The following APBA1 variants were observed in gnomAD, a reference collection of about 807,000 sequenced individuals.
The protein encoded by APBA1 is amyloid beta precursor protein binding family A member 1, also known as amyloid-beta A4 precursor protein-binding family A member 1.
In APBA1, 55 loss-of-function variants were observed where a neutral mutation model predicts 86.6. That is an observed-to-expected ratio of 0.64 (90% CI 0.51 to 0.80). The LOEUF is 0.80. Ranked by LOEUF, APBA1 falls within the 30% of genes least tolerant of loss-of-function variation. The probability of loss-of-function intolerance (pLI) is 0.00; values close to 1 mark genes in which losing one functional copy is unlikely to be tolerated. For missense variants in APBA1, 1,090 were observed against 1,183.0 expected (o/e 0.92, Z 1.15); for synonymous variants, 511 against 493.9 (o/e 1.03, Z -0.46).
chr9:69,468,022 C>T, intron 4 of APBA1, 54 bp from the exon 5 acceptor site: 1 of 1,590,858 alleles, frequency 6.3e-7, no homozygotes, highest in South Asian at 1.1e-5. Context: ...GGCCTGCCAA[C>T]CCCCTCAATG....
chr9:69,549,082 T>G (rs1382787869), intron 1 of APBA1, among the ~76,000 whole-genome samples: 2 of 152,126 alleles, frequency 1.3e-5, no homozygotes, highest in East Asian at 3.8e-4. Context: ...ACACAGATGA[T>G]GCAAATGAGT....
chr9:69,609,024 GC>G (rs1822529184), intron 1 of APBA1, among the ~76,000 whole-genome samples: 1 of 152,122 alleles, frequency 6.6e-6, no homozygotes, highest in Admixed American at 6.5e-5. Context: ...ATAACTGTGT[GC>G]TGTATATGTG....
intron 1 of APBA1, among the ~76,000 whole-genome samples, chr9:69,636,890 AGAAGGAAGGAAG>A (rs1284734460): frequency 4.3e-5 from 1 of 23,496 alleles, no homozygotes; most frequent in African/African-American, 1.2e-4. Flanking sequence ...AAGGAAGGAA[AGAAGGAAGGAAG>A]GAAGGAAGGA....
At chr9:69,536,277 T>C (rs1377451488) in intron 1 of APBA1, among the ~76,000 whole-genome samples, 1 of 150,532 alleles carries the variant, frequency 6.6e-6, no homozygotes, top group East Asian at 1.9e-4. Context: ...TTGAAAGCAG[T>C]ACACATGAAA....
chr9:69,563,513 TAATACACGGGTTG>T (rs1183507126), intron 1 of APBA1, among the ~76,000 whole-genome samples: 2 of 152,212 alleles, frequency 1.3e-5, no homozygotes, highest in African/African-American at 2.4e-5. Flanking sequence ...GCCTATGGGT[TAATACACGGGTTG>T]CATGGCTACC....
intron 2 of APBA1, among the ~76,000 whole-genome samples, chr9:69,487,641 G>A (rs947637346): frequency 6.6e-6 from 1 of 151,994 alleles, no homozygotes; most frequent in South Asian, 2.1e-4. Context: ...TTGAGGGAAC[G>A]GGTTAGTTAT....
At chr9:69,566,980 C>A (rs944295319) in intron 1 of APBA1, among the ~76,000 whole-genome samples, 20 of 152,152 alleles carry the variant, frequency 1.3e-4, no homozygotes, top group African/African-American at 4.8e-4. Context: ...TCCCAACTGG[C>A]ACCAATTAGA....
chr9:69,452,066 T>A, intron 9 of APBA1, 56 bp downstream of exon 9: 1 of 1,561,470 alleles, frequency 6.4e-7, no homozygotes, highest in Non-Finnish European at 8.8e-7. Flanking sequence ...TGCCCCACTT[T>A]CCAAGCCCCT....
intron 1 of APBA1, among the ~76,000 whole-genome samples, chr9:69,632,944 G>A (rs1823078207): frequency 6.6e-6 from 1 of 151,954 alleles, no homozygotes; most frequent in African/African-American, 2.4e-5. Context: ...GCAGGAAAGT[G>A]AGGTCAGAGT....
At chr9:69,539,080 C>T (rs764800954) in intron 1 of APBA1, among the ~76,000 whole-genome samples, 15 of 152,274 alleles carry the variant, frequency 9.9e-5, no homozygotes, top group East Asian at 3.9e-4. Flanking sequence ...TCTCTTTATC[C>T]GTCAGACCTC....
intron 1 of APBA1, among the ~76,000 whole-genome samples, chr9:69,605,683 A>G (rs1822456534): frequency 6.6e-6 from 1 of 152,222 alleles, no homozygotes; most frequent in Admixed American, 6.5e-5. Context: ...GATGCCAGGC[A>G]CTAACAGCCA....
chr9:69,667,591 T>C (rs1823866107), intron 1 of APBA1, among the ~76,000 whole-genome samples: 1 of 149,784 alleles, frequency 6.7e-6, no homozygotes, highest in Non-Finnish European at 1.5e-5. Flanking sequence ...TCCCATCTTC[T>C]TGAAGACTTA....
intron 1 of APBA1, among the ~76,000 whole-genome samples, chr9:69,669,630 C>G (rs979793173): frequency 6.6e-6 from 1 of 152,154 alleles, no homozygotes; most frequent in African/African-American, 2.4e-5. Flanking sequence ...AAACAAATAT[C>G]TGGGTGTGGT....
chr9:69,435,892 C>G (rs1328826031), intron 11 of APBA1, among the ~76,000 whole-genome samples: 1 of 152,110 alleles, frequency 6.6e-6, no homozygotes, highest in African/African-American at 2.4e-5. Context: ...ATGGTATTGC[C>G]TAGGGTTTTT....
chr9:69,620,876 C>A (rs1469190120), intron 1 of APBA1, among the ~76,000 whole-genome samples: 1 of 152,178 alleles, frequency 6.6e-6, no homozygotes, highest in Non-Finnish European at 1.5e-5. Context: ...GAAGGAGCTG[C>A]ACAGTTGGAC....
chr9:69,654,407 G>A (rs1024873417), intron 1 of APBA1, among the ~76,000 whole-genome samples: 16 of 152,020 alleles, frequency 1.1e-4, no homozygotes, highest in Non-Finnish European at 2.2e-4. Flanking sequence ...CAAAGTTTCA[G>A]GGAGCTAGGA....
At chr9:69,446,311 C>A (rs186714544) in intron 10 of APBA1, among the ~76,000 whole-genome samples, 1 of 152,140 alleles carries the variant, frequency 6.6e-6, no homozygotes, top group Non-Finnish European at 1.5e-5. Flanking sequence ...CAACAAGCGG[C>A]GCACTGTGGC....
In APBA1 at chr9:69,516,556, C is replaced by T; in HGVS notation, c.655G>A (p.Glu219Lys). Residue 219 changes from glutamate to lysine, a missense_variant, in exon 2 of 13, where the codon GAG becomes AAG. Glu to Lys is a moderately conservative substitution (Grantham distance 56, BLOSUM62 1). This residue lies in a region of APBA1 where 678 missense variants were observed against 647.1 expected (regional missense o/e 1.05). Coordinates refer to ENST00000265381, the MANE Select transcript of APBA1 (RefSeq NM_001163.4). This position sits in a 1 kb window ranked among gnomAD's most constrained non-coding sequence, Gnocchi z 7.3. ...ARDGLRLYEQ[E>K]RDEAAAYRQE... is the part of the protein sequence containing the mutation. ...CGGTACGCGGCCGCCTCGTCGCGCT[C>T]CTGCTCGTAGAGCCGCAGGCCGTCG... The T allele has an allele frequency of 6.3e-7, 1 of 1,598,746 alleles. No homozygotes were observed. The highest frequency in any genetic ancestry group is 1.1e-5 in the South Asian group (1 of 90,720).
chr9:69,436,865 G>A (rs1273106112), intron 11 of APBA1, among the ~76,000 whole-genome samples: 1 of 151,788 alleles, frequency 6.6e-6, no homozygotes, highest in Non-Finnish European at 1.5e-5. Context: ...GTTTTCAAAG[G>A]GAATGCTTCC....
Sources: allele counts gnomAD v4.1 joint callset (sites outside exome capture counted in the v4.1 genomes callset), GRCh38; gene constraint gnomAD v4.1.1; regional missense constraint gnomAD v4.1.1; non-coding constraint Gnocchi (gnomAD v3.1); transcripts MANE v1.5; gene names NCBI Gene and HGNC (gene_info 2026-07-23, HGNC 2026-07-21).